GGPS1: variants seen among roughly 807,000 people sequenced by gnomAD.
GGPS1 encodes geranylgeranyl diphosphate synthase 1, also known as geranylgeranyl pyrophosphate synthase.
In GGPS1, 15 loss-of-function variants were observed where a neutral mutation model predicts 28.1. The observed-to-expected ratio is 0.53, with a 90% confidence interval of 0.36 to 0.82. The LOEUF is 0.82. Among genes scored for constraint, GGPS1 ranks in the 40% least tolerant of loss-of-function variants. The probability of loss-of-function intolerance (pLI) is 0.01; values close to 1 mark genes in which losing one functional copy is unlikely to be tolerated. For missense variants in GGPS1, 284 were observed against 348.3 expected (o/e 0.82, Z 1.47); for synonymous variants, 138 against 122.4 (o/e 1.13, Z -0.84).
Position 235,342,552 on chromosome 1 carries a change from C to A in GGPS1, c.683C>A (p.Thr228Asn). ...IHAIWSRPESTQVQNILRQRT... is the reference protein window; with the variant it reads ...IHAIWSRPESNQVQNILRQRT... ...GCTATTTGGTCAAGGCCTGAAAGCA[C>A]CCAGGTGCAGAATATCTTGCGCCAG... is the stretch of plus-strand genomic sequence containing the variant. Residue 228 changes from threonine to asparagine, a missense_variant, in exon 4 of 4, where the codon ACC becomes AAC. Transcript: ENST00000282841. 1 of 1,611,902 alleles carries A rather than the reference C, an allele frequency of 6.2e-7. No homozygotes were observed. Among genetic ancestry groups the A allele is most frequent in the Non-Finnish European group, 8.5e-7 (1 of 1,178,006 alleles).
chr1:235,329,023 C>G (rs1675581905), intron 1 of GGPS1: 1 of 152,370 alleles, frequency 6.6e-6, no homozygotes, highest in African/African-American at 2.4e-5. Flanking sequence ...CCTCCGGACT[C>G]TGTGCTAGCA....
chr1:235,332,247 C>T (rs939042064), intron 1 of GGPS1, among the ~76,000 whole-genome samples: 5 of 152,186 alleles, frequency 3.3e-5, no homozygotes, highest in African/African-American at 1.2e-4. Context: ...TTTGGAATCT[C>T]CATTGTCTAT....
intron 2 of GGPS1, among the ~76,000 whole-genome samples, chr1:235,339,521 A>T (rs906677486): frequency 3.9e-5 from 6 of 152,040 alleles, no homozygotes; most frequent in Admixed American, 2.6e-4. Flanking sequence ...GCATTTTGGG[A>T]GGCCAACACA....
chr1:235,330,981 TC>T (rs1321258244), intron 1 of GGPS1, among the ~76,000 whole-genome samples: 2 of 152,234 alleles, frequency 1.3e-5, no homozygotes, highest in Non-Finnish European at 2.9e-5. Flanking sequence ...CCATTATTCT[TC>T]CTGTTTTGCA....
chr1:235,328,420 T>C (rs1453102071), upstream of GGPS1: 5 of 151,338 alleles, frequency 3.3e-5, no homozygotes, highest in Non-Finnish European at 5.9e-5. Flanking sequence ...GGAAATAAAG[T>C]CCATACTCTG....
chr1:235,335,684 A>G (rs1196806081), intron 2 of GGPS1, among the ~76,000 whole-genome samples: 3 of 152,150 alleles, frequency 2.0e-5, no homozygotes, highest in Non-Finnish European at 2.9e-5. Context: ...AAAGAAACGT[A>G]ATTTTTGAAG....
At chr1:235,328,820 AG>A (rs1340089382) in intron 1 of GGPS1, 42 bp downstream of exon 1, 1 of 148,854 alleles carries the variant, frequency 6.7e-6, no homozygotes, top group African/African-American at 2.5e-5. Flanking sequence ...CCGGATGGGA[AG>A]AAGGGCGGGG....
chr1:235,341,551 C>T (rs1676046181), intron 2 of GGPS1, among the ~76,000 whole-genome samples, 157 bp from the exon 3 acceptor site: 1 of 152,120 alleles, frequency 6.6e-6, no homozygotes. Flanking sequence ...AGTTATTGAG[C>T]AGTGCAAGGC....
Position 235,343,375 on chromosome 1 carries a change from C to A in GGPS1, c.*603C>A, listed in dbSNP as rs1676114012. On this transcript the variant is annotated 3_prime_UTR_variant, in exon 4 of 4. Transcript: ENST00000282841. The stretch of plus-strand genomic sequence containing the variant: ...TCGAGACCATCCTGACACGGTGAAA[C>A]CCTGTCTCTACTAAAAATACAAAAA... 1 of 157,768 alleles carries A rather than the reference C, an allele frequency of 6.3e-6. No homozygotes were observed. The highest frequency in any genetic ancestry group is 1.5e-5 in the Non-Finnish European group (1 of 68,208). The allele number at this position is 157,768 out of a possible 1,614,324, so 9.8% of individuals were successfully genotyped here.
chr1:235,334,428 A>C (rs977308330), intron 1 of GGPS1, among the ~76,000 whole-genome samples: 2 of 152,200 alleles, frequency 1.3e-5, no homozygotes, highest in Non-Finnish European at 2.9e-5. Flanking sequence ...CAATATAATC[A>C]CTTGAATGAA....
intron 1 of GGPS1, 151 bp downstream of exon 1, chr1:235,328,929 CGA>C (rs1241310255): frequency 6.6e-6 from 1 of 152,186 alleles, no homozygotes; most frequent in Non-Finnish European, 1.5e-5. Context: ...TAGCTTTAAG[CGA>C]GGAGGGAGAG....
At chr1:235,332,291 T>C (rs866641513) in intron 1 of GGPS1, among the ~76,000 whole-genome samples, 3 of 152,238 alleles carry the variant, frequency 2.0e-5, no homozygotes, top group African/African-American at 2.4e-5. Context: ...ATACACATTA[T>C]CTAGCTCCCA....
chr1:235,338,535 ATTTCACATTGAGACTCTG>A (rs1216989669), intron 2 of GGPS1, among the ~76,000 whole-genome samples: 3 of 152,140 alleles, frequency 2.0e-5, no homozygotes, highest in Non-Finnish European at 4.4e-5. Context: ...GAAAAATGAA[ATTTCACATTGAGACTCTG>A]TTTTTCATCT....
chr1:235,342,056 A>G lies in GGPS1; in HGVS notation c.187A>G (p.Ile63Val). 6.2e-7 allele frequency: 1 copy of G among 1,604,534 alleles called. No homozygotes were observed. Among genetic ancestry groups the G allele is most frequent in the Non-Finnish European group, 8.5e-7 (1 of 1,174,644 alleles). ...AATGTTGCATAATGCCAGTTTACTC[A>G]TCGATGATATTGAAGACAACTCAAA... Reference protein sequence around the residue: ...TEMLHNASLLIDDIEDNSKLR... With the variant: ...TEMLHNASLLVDDIEDNSKLR... Residue 63 changes from isoleucine (I) to valine (V), a missense_variant, in exon 4 of 4, where the codon ATC becomes GTC. Transcript: ENST00000282841.
chr1:235,332,929 G>T (rs1256682519), intron 1 of GGPS1, among the ~76,000 whole-genome samples: 2 of 151,922 alleles, frequency 1.3e-5, no homozygotes, highest in Non-Finnish European at 2.9e-5. Flanking sequence ...TTAGCTGGGC[G>T]TGGTGGTGGG....
At chr1:235,339,679 GA>G (rs1321487289) in intron 2 of GGPS1, among the ~76,000 whole-genome samples, 1 of 151,356 alleles carries the variant, frequency 6.6e-6, no homozygotes, top group Non-Finnish European at 1.5e-5. Flanking sequence ...AGAATCGCTT[GA>G]ACCCAGGGGG....
chr1:235,336,002 T>A (rs1189929562), intron 2 of GGPS1, among the ~76,000 whole-genome samples: 1 of 152,270 alleles, frequency 6.6e-6, no homozygotes, highest in South Asian at 2.1e-4. Context: ...TTTGGAAATA[T>A]AGCCCACTTT....
At position 235,335,391 on chromosome 1, in the gene GGPS1, A is replaced by G. The variant is rs1251269466; in HGVS notation, c.70+57A>G. On this transcript the variant is annotated intron_variant, in intron 2 of 3. Coordinates refer to ENST00000282841, the MANE Select transcript of GGPS1 (RefSeq NM_004837.4). ...ATTTTCATGCAGTAGTGGTCGTTCA[A>G]ATGTTAGCAAATAGAAAAGGTTAGA... 5.2e-6 allele frequency: 4 copies of G among 773,234 alleles called. No homozygotes were observed. The East Asian group carries it at 1.0e-4, about 20-fold the overall frequency. 47.9% of individuals were successfully genotyped at this position (773,234 alleles called of 1,614,324 possible). A position where few individuals can be genotyped will look rare whatever the true frequency, so the allele number is the denominator to read the frequency against.
chr1:235,341,018 G>A (rs944207545), intron 2 of GGPS1, among the ~76,000 whole-genome samples: 16 of 152,080 alleles, frequency 1.1e-4, no homozygotes, highest in Non-Finnish European at 1.8e-4. Flanking sequence ...AATAGGTAGT[G>A]CCAATTAACT....
Sources: allele counts gnomAD v4.1 joint callset (sites outside exome capture counted in the v4.1 genomes callset), GRCh38; gene constraint gnomAD v4.1.1; transcripts MANE v1.5; gene names NCBI Gene and HGNC (gene_info 2026-07-23, HGNC 2026-07-21).